Variants in PARD3B observed in about 807,000 individuals in gnomAD.
PARD3B encodes partitioning defective 3 homolog B.
PARD3B carries 103 observed loss-of-function variants against 130.2 expected under a neutral mutation model. The observed-to-expected ratio is 0.79, with a 90% CI of 0.67 to 0.93. The LOEUF (loss-of-function observed/expected upper bound fraction) is 0.93, where lower values mean the gene tolerates loss of function less well. Among genes scored for constraint, PARD3B ranks in the 40% least tolerant of loss-of-function variants. The probability of loss-of-function intolerance (pLI) is 0.00; values close to 1 mark genes in which losing one functional copy is unlikely to be tolerated. For synonymous variants in PARD3B, 583 were observed against 553.2 expected (o/e 1.05, Z -0.76); for missense variants, 1,609 against 1,499.2 (o/e 1.07, Z -1.21).
In PARD3B at chr2:204,967,117, T is replaced by C. The variant is rs74459162; in HGVS notation, c.394+1794T>C. ...TGTCTTGGGGTTTACTTTGAGAATATATGCCAAAACCCTGAAAATACTAAA... is the reference window on the plus strand; with the variant it reads ...TGTCTTGGGGTTTACTTTGAGAATACATGCCAAAACCCTGAAAATACTAAA... On this transcript the variant is annotated intron_variant, in intron 3 of 22. Coordinates refer to ENST00000406610, the MANE Select transcript of PARD3B (RefSeq NM_001302769.2). This position sits in a 1 kb window ranked among gnomAD's most constrained non-coding sequence, Gnocchi z 4.4. Among the ~76,000 whole-genome samples, 10,354 of 152,268 alleles carry C rather than the reference T, an allele frequency of 0.068. 479 individuals carry two copies. Among genetic ancestry groups the C allele is most frequent in the Middle Eastern group, 0.12 (36 of 294 alleles).
rs2034334783 is a variant in PARD3B, at chr2:205,158,767, C to A, written c.1480C>A (p.Gln494Lys). 6.2e-7 allele frequency: 1 copy of A among 1,614,142 alleles called. No homozygotes were observed. The highest frequency in any genetic ancestry group is 8.5e-7 in the Non-Finnish European group (1 of 1,179,994). Residue 494 changes from glutamine (Q) to lysine (K), a missense_variant, in exon 11 of 23, where the codon CAG (glutamine) becomes AAG (lysine). Coordinates refer to ENST00000406610, the MANE Select transcript of PARD3B (RefSeq NM_001302769.2). The surrounding 1 kb of genome is among the most constrained non-coding windows in gnomAD (Gnocchi z 5.4). Reference sequence around the variant, plus strand: ...TGCACTCTCTCTGGAGACAAGCGAGCAGCTCACCTTTGAGATCCCCCTGAA... The same window carrying A: ...TGCACTCTCTCTGGAGACAAGCGAGAAGCTCACCTTTGAGATCCCCCTGAA... Reference protein sequence around the residue: ...CCALSLETSEQLTFEIPLNDS... With the variant: ...CCALSLETSEKLTFEIPLNDS...
intron 2 of PARD3B, among the ~76,000 whole-genome samples, chr2:204,738,635 A>T (rs1195080447): frequency 6.6e-6 from 1 of 152,096 alleles, no homozygotes; most frequent in South Asian, 2.1e-4. Context: ...GGGCTCTTTT[A>T]TGGAGGCTTT....
At chr2:205,205,504 G>C (rs1328146529) in intron 15 of PARD3B, among the ~76,000 whole-genome samples, 1 of 152,136 alleles carries the variant, frequency 6.6e-6, no homozygotes, top group Non-Finnish European at 1.5e-5. Context: ...TGGTGAGAGA[G>C]GGCATCCTTG....
At chr2:205,556,166 T>C (rs1279790416) in intron 22 of PARD3B, among the ~76,000 whole-genome samples, 1 of 152,168 alleles carries the variant, frequency 6.6e-6, no homozygotes, top group African/African-American at 2.4e-5. Flanking sequence ...AGCTTTGAAA[T>C]ATTTATGGAG....
rs1347070211 is a variant in PARD3B, at chr2:205,530,258, G to A, written c.3181-23066G>A. Among the ~76,000 whole-genome samples, 3 of 152,120 alleles carry A rather than the reference G, an allele frequency of 2.0e-5. No individual in the cohort carries two copies. Among genetic ancestry groups the A allele is most frequent in the African/African-American group, 7.2e-5 (3 of 41,426 alleles). ...GAAAACGTATTATCCTAATATGCTT[G>A]AGACCTGTCTTTTGCTACCCACTAC... is the stretch of plus-strand genomic sequence containing the variant. On this transcript the variant is annotated intron_variant, in intron 21 of 22. Coordinates refer to ENST00000406610, the MANE Select transcript of PARD3B (RefSeq NM_001302769.2). This position sits in a 1 kb window ranked among gnomAD's most constrained non-coding sequence, Gnocchi z 4.7.
At position 205,575,905 on chromosome 2, in the gene PARD3B, G is replaced by A. The variant is rs1369035132; in HGVS notation, c.3260+22502G>A. 2.0e-5 allele frequency among the ~76,000 whole-genome samples: 3 copies of A among 152,116 alleles called. No individual in the cohort carries two copies. Among genetic ancestry groups the A allele is most frequent in the African/African-American group, 7.2e-5 (3 of 41,426 alleles). On this transcript the variant is annotated intron_variant, in intron 22 of 22. Coordinates refer to ENST00000406610, the MANE Select transcript of PARD3B (RefSeq NM_001302769.2). This position sits in a 1 kb window ranked among gnomAD's most constrained non-coding sequence, Gnocchi z 4.6. ...GTAAATACCAAGGAACATGACTGCT[G>A]GATCAAGTGGCGAGACAATGTTTAG...
intron 4 of PARD3B, among the ~76,000 whole-genome samples, chr2:205,097,700 A>C (rs1702483115): frequency 6.6e-6 from 1 of 152,154 alleles, no homozygotes; most frequent in South Asian, 2.1e-4. Flanking sequence ...ATCCACGTTA[A>C]AGTTTGAGAA....
At position 205,524,137 on chromosome 2, in the gene PARD3B, C is replaced by A. The variant is rs1380743236; in HGVS notation, c.3180+24106C>A. Among the ~76,000 whole-genome samples, 4 of 152,068 alleles carry A rather than the reference C, an allele frequency of 2.6e-5. No homozygotes were observed. The East Asian group carries it at 7.7e-4, about 29-fold the overall frequency. The stretch of plus-strand genomic sequence containing the variant: ...TGGATCTTAGGGGCTTCTTTATTCA[C>A]GATATTCCAATGTTTTACCTACATT... On this transcript the variant is annotated intron_variant, in intron 21 of 22. Transcript: ENST00000406610.
chr2:204,777,447 C>A (rs1459709930), intron 2 of PARD3B, among the ~76,000 whole-genome samples: 2 of 152,096 alleles, frequency 1.3e-5, no homozygotes, highest in Non-Finnish European at 2.9e-5. Flanking sequence ...AAGAAGGTGA[C>A]TAAGAACATG....
At chr2:205,171,996 T>TA in intron 11 of PARD3B, among the ~76,000 whole-genome samples, 1 of 152,206 alleles carries the variant, frequency 6.6e-6, no homozygotes, top group East Asian at 1.9e-4. Flanking sequence ...CTAAGATTTC[T>TA]AAAAAATACT....
At chr2:205,045,964 C>T (rs1288332243) in intron 3 of PARD3B, among the ~76,000 whole-genome samples, 1 of 152,058 alleles carries the variant, frequency 6.6e-6, no homozygotes, top group African/African-American at 2.4e-5. Flanking sequence ...TTTATTTTCT[C>T]CCATTCAAGA....
chr2:204,986,354 G>A (rs959975677), intron 3 of PARD3B, among the ~76,000 whole-genome samples: 2 of 152,064 alleles, frequency 1.3e-5, no homozygotes, highest in African/African-American at 2.4e-5. Context: ...ATGTCTATAC[G>A]ACTATGAAGT....
chr2:204,908,731 G>T (rs1016548884), intron 2 of PARD3B, among the ~76,000 whole-genome samples: 1 of 152,134 alleles, frequency 6.6e-6, no homozygotes, highest in African/African-American at 2.4e-5. Flanking sequence ...AAGTGAATTA[G>T]TAGTATCTAA....
At chr2:205,114,146 T>A (rs1206140592) in intron 6 of PARD3B, among the ~76,000 whole-genome samples, 1 of 152,154 alleles carries the variant, frequency 6.6e-6, no homozygotes, top group Non-Finnish European at 1.5e-5. Flanking sequence ...GAATTTTTAA[T>A]ACATTATGTT....
chr2:205,428,506 G>T, intron 19 of PARD3B, among the ~76,000 whole-genome samples: 1 of 152,140 alleles, frequency 6.6e-6, no homozygotes, highest in East Asian at 1.9e-4. Flanking sequence ...AACCATGCTG[G>T]CATCCTGTTA....
intron 15 of PARD3B, among the ~76,000 whole-genome samples, chr2:205,200,163 A>G (rs931298684): frequency 6.6e-6 from 1 of 152,212 alleles, no homozygotes; most frequent in Non-Finnish European, 1.5e-5. Flanking sequence ...AATTACATAC[A>G]GAGGTAGACA....
intron 1 of PARD3B, among the ~76,000 whole-genome samples, chr2:204,642,387 T>C (rs1365283198): frequency 6.6e-6 from 1 of 152,230 alleles, no homozygotes; most frequent in Non-Finnish European, 1.5e-5. Context: ...TGTTGCTGTT[T>C]ATTAGCTATA....
intron 2 of PARD3B, among the ~76,000 whole-genome samples, chr2:204,919,261 T>C (rs543337899): frequency 1.3e-5 from 2 of 152,294 alleles, no homozygotes; most frequent in South Asian, 4.1e-4. Flanking sequence ...CTTTATAAAG[T>C]AAAATTTACA....
intron 22 of PARD3B, among the ~76,000 whole-genome samples, chr2:205,570,878 C>G (rs2053537180): frequency 1.3e-5 from 2 of 152,172 alleles, no homozygotes; most frequent in South Asian, 4.1e-4. Flanking sequence ...CAACCTTCAT[C>G]ACAGCCAAAA....
Sources: gnomAD v4.1 joint callset for allele counts (sites outside exome capture counted in the v4.1 genomes callset) on GRCh38, gnomAD v4.1.1 for gene constraint, Gnocchi (gnomAD v3.1) non-coding constraint, MANE v1.5 for transcripts, NCBI Gene and HGNC (gene_info 2026-07-23, HGNC 2026-07-21) for gene names.